The following JMY variants were observed in gnomAD, a reference collection of about 807,000 sequenced individuals.
The protein encoded by JMY is junction-mediating and -regulatory protein.
Under a neutral mutation model 103.3 loss-of-function variants are expected in JMY, and 46 were observed. That is an observed-to-expected ratio of 0.45 (90% CI 0.35 to 0.57). The LOEUF (loss-of-function observed/expected upper bound fraction) is 0.57. Among genes scored for constraint, JMY ranks in the 20% least tolerant of loss-of-function variants. The pLI, the probability that JMY is intolerant of heterozygous loss-of-function variation, is 0.00. For synonymous variants in JMY, 526 were observed against 489.3 expected (o/e 1.07, Z -0.99); for missense variants, 1,238 against 1,255.2 (o/e 0.99, Z 0.21).
At chr5:79,260,259 C>T (rs1293127253) in intron 1 of JMY, among the ~76,000 whole-genome samples, 4 of 152,200 alleles carry the variant, frequency 2.6e-5, no homozygotes, top group East Asian at 1.9e-4. Context: ...GGAGTGGTTC[C>T]TGCCTGGCCC....
Position 79,300,201 on chromosome 5 carries a change from T to C in JMY, c.1576T>C (p.Leu526=). ...GTEAIARLDQ[L]EADYYDLQLQ... is the part of the protein sequence containing the mutation. Reference sequence around the variant, plus strand: ...AGAAGCGATAGCACGATTGGATCAGTTAGAAGCTGATTATTATGATCTGCA... The same window carrying C: ...AGAAGCGATAGCACGATTGGATCAGCTAGAAGCTGATTATTATGATCTGCA... Residue 526 remains leucine, a synonymous_variant, in exon 5 of 11, where the codon TTA becomes CTA. Coordinates refer to ENST00000396137, the MANE Select transcript of JMY (RefSeq NM_152405.5). The C allele has an allele frequency of 1.2e-6, 2 of 1,612,298 alleles. No individual in the cohort carries two copies. The highest frequency in any genetic ancestry group is 1.7e-6 in the Non-Finnish European group (2 of 1,178,998).
In JMY at chr5:79,248,528, C is replaced by G. The variant is rs545704520; in HGVS notation, c.1032+10846C>G. On this transcript the variant is annotated intron_variant, in intron 1 of 10. Transcript: ENST00000396137. The stretch of plus-strand genomic sequence containing the variant: ...TTCACCATGTTGGCCAGGCTGATCT[C>G]AAACTCCTGACCTCAGGTGATCCAC... Among the ~76,000 whole-genome samples the G allele has an allele frequency of 7.4e-4, 113 of 152,028 alleles. 1 individual carries two copies. Among genetic ancestry groups the G allele is most frequent in the Non-Finnish European group, 2.9e-5 (2 of 67,962 alleles).
chr5:79,258,752 A>C (rs1193687185), intron 1 of JMY, among the ~76,000 whole-genome samples: 2 of 152,130 alleles, frequency 1.3e-5, no homozygotes, highest in Non-Finnish European at 2.9e-5. Flanking sequence ...CAGGAACTGC[A>C]GCGCCTTAAA....
At position 79,277,894 on chromosome 5, in the gene JMY, C is replaced by A; in HGVS notation, c.1033-16C>A. On this transcript the variant is annotated splice_polypyrimidine_tract_variant and intron_variant, in intron 1 of 10. Coordinates refer to ENST00000396137, the MANE Select transcript of JMY (RefSeq NM_152405.5). Reference sequence around the variant, plus strand: ...AGAATTGATTTTCTTAGTTGTGAAACTGTCTTGTTCCACAGCTCTTGGATA... The same window carrying A: ...AGAATTGATTTTCTTAGTTGTGAAAATGTCTTGTTCCACAGCTCTTGGATA... 1 of 1,591,406 alleles carries A rather than the reference C, an allele frequency of 6.3e-7. No individual in the cohort carries two copies. The highest frequency in any genetic ancestry group is 8.6e-7 in the Non-Finnish European group (1 of 1,165,266).
chr5:79,236,763 T>C lies in JMY; in HGVS notation c.113T>C (p.Ile38Thr), dbSNP rs1320011875. Residue 38 changes from isoleucine to threonine, a missense_variant, in exon 1 of 11, where the codon ATT becomes ACT. Transcript: ENST00000396137. Reference protein sequence around the residue: ...KFVFIVAWNEIEGKFAITCHN... With the variant: ...KFVFIVAWNETEGKFAITCHN... Reference sequence around the variant, plus strand: ...GTCTTTATTGTGGCCTGGAACGAGATTGAGGGCAAGTTTGCCATAACCTGC... The same window carrying C: ...GTCTTTATTGTGGCCTGGAACGAGACTGAGGGCAAGTTTGCCATAACCTGC... 4.0e-6 allele frequency: 6 copies of C among 1,511,162 alleles called. No individual in the cohort carries two copies. The highest frequency in any genetic ancestry group is 1.4e-5 in the African/African-American group (1 of 69,056). The allele number at this position is 1,511,162 out of a possible 1,614,324, so 93.6% of individuals were successfully genotyped here. A position where few individuals can be genotyped will look rare whatever the true frequency, so the allele number is the denominator to read the frequency against.
At position 79,300,316 on chromosome 5, in the gene JMY, C is replaced by A; in HGVS notation, c.1691C>A (p.Ser564Ter). Residue 564 changes from serine (S) to a stop codon, truncating the protein, a stop_gained and splice_region_variant, in exon 5 of 11, where the codon TCA becomes TAA. Coordinates refer to ENST00000396137, the MANE Select transcript of JMY (RefSeq NM_152405.5). LOFTEE classifies it high-confidence loss of function. ...AQLESIKRLI[S>*]EKRDEVVYYD... The stretch of plus-strand genomic sequence containing the variant: ...CTAGAAAGCATCAAAAGACTTATAT[C>A]AGGTATGGCGTGCATTTAACCACAT... The A allele has an allele frequency of 6.4e-7, 1 of 1,553,964 alleles. No homozygotes were observed. Among genetic ancestry groups the A allele is most frequent in the South Asian group, 1.2e-5 (1 of 81,260 alleles).
chr5:79,308,250 A>C (rs1269485261), intron 7 of JMY, among the ~76,000 whole-genome samples: 1 of 152,158 alleles, frequency 6.6e-6, no homozygotes, highest in Non-Finnish European at 1.5e-5. Context: ...ACTTTCTATC[A>C]TGGTTCATTC....
chr5:79,284,457 C>T (rs1746210433), intron 2 of JMY: 1 of 1,575,744 alleles, frequency 6.3e-7, no homozygotes, highest in African/African-American at 1.3e-5. Context: ...TGGTGCTGGG[C>T]ATAAGAGGTC....
In JMY at chr5:79,237,059, G is replaced by A. The variant is rs913338243; in HGVS notation, c.409G>A (p.Glu137Lys). The A allele has an allele frequency of 2.0e-6, 3 of 1,530,870 alleles. No individual in the cohort carries two copies. The highest frequency in any genetic ancestry group is 1.4e-5 in the African/African-American group (1 of 72,432). 94.8% of individuals were successfully genotyped at this position (1,530,870 alleles called of 1,614,324 possible). A position where few individuals can be genotyped will look rare whatever the true frequency, so the allele number is the denominator to read the frequency against. ...GCGGAGTCCTGGCAGCAAAGGGGCG[G>A]AGAGTCGTCTTAGGAGCCCAGTGCG... ...RLRSPGSKGA[E>K]SRLRSPVRAK... Residue 137 changes from glutamate (E) to lysine (K), a missense_variant, in exon 1 of 11, where the codon GAG becomes AAG. Glu to Lys is a moderately conservative substitution (Grantham distance 56). Transcript: ENST00000396137.
intron 6 of JMY, among the ~76,000 whole-genome samples, chr5:79,304,263 A>G (rs534098106): frequency 6.6e-6 from 1 of 152,192 alleles, no homozygotes; most frequent in Admixed American, 6.5e-5. Flanking sequence ...AATGCAAAAC[A>G]CTAAGTCCTA....
chr5:79,241,266 C>T (rs536267012), intron 1 of JMY, among the ~76,000 whole-genome samples: 43 of 152,172 alleles, frequency 2.8e-4, no homozygotes, highest in African/African-American at 1.0e-3. Context: ...TCTTTGCCAC[C>T]CCTAGTTCAG....
intron 6 of JMY, among the ~76,000 whole-genome samples, chr5:79,301,848 A>G (rs1016535322): frequency 7.9e-5 from 12 of 152,138 alleles, no homozygotes; most frequent in Non-Finnish European, 1.6e-4. Context: ...GCACTTTGGG[A>G]GGCTGAGGTG....
At chr5:79,321,385 C>T (rs1038220623) in intron 10 of JMY, among the ~76,000 whole-genome samples, 2 of 152,050 alleles carry the variant, frequency 1.3e-5, no homozygotes, top group Admixed American at 1.3e-4. Flanking sequence ...AGTTTTCATA[C>T]AGTGTTAGAG....
chr5:79,300,598 A>C, intron 5 of JMY, 78 bp from the exon 6 acceptor site: 1 of 1,155,078 alleles, frequency 8.7e-7, no homozygotes, highest in Non-Finnish European at 1.2e-6. Context: ...CAGAGCCAGT[A>C]ATGAGATTAG....
intron 1 of JMY, among the ~76,000 whole-genome samples, chr5:79,239,714 G>T: frequency 6.6e-6 from 1 of 151,830 alleles, no homozygotes; most frequent in Middle Eastern, 3.2e-3. Context: ...GGAGGCTGAG[G>T]CAGGAGAATG....
At position 79,236,945 on chromosome 5, in the gene JMY, G is replaced by T; in HGVS notation, c.295G>T (p.Val99Phe). The T allele has an allele frequency of 4.8e-6, 7 of 1,448,134 alleles. No individual in the cohort carries two copies. Among genetic ancestry groups the T allele is most frequent in the Non-Finnish European group, 6.3e-6 (7 of 1,103,664 alleles). 89.7% of individuals were successfully genotyped at this position (1,448,134 alleles called of 1,614,324 possible). The change falls in exon 1 of 11, where the codon GTT becomes TTT. Residue 99 changes from valine to phenylalanine, a missense_variant. By Grantham distance (50) the Val-to-Phe change is conservative. Coordinates refer to ENST00000396137, the MANE Select transcript of JMY (RefSeq NM_152405.5). ...RPEATASATL[V>F]RSPGPRRSSA... is the part of the protein sequence containing the mutation. ...CGAGGCCACTGCCTCTGCAACTCTG[G>T]TTAGGAGCCCCGGGCCCCGGCGGAG... is the stretch of plus-strand genomic sequence containing the variant.
At chr5:79,276,641 T>C (rs759787632) in intron 1 of JMY, among the ~76,000 whole-genome samples, 6 of 151,900 alleles carry the variant, frequency 3.9e-5, no homozygotes, top group Non-Finnish European at 8.8e-5. Context: ...CGAGTCTCAC[T>C]CTGTCGCCAG....
intron 1 of JMY, among the ~76,000 whole-genome samples, chr5:79,254,111 T>A (rs1745169214): frequency 1.0e-5 from 1 of 100,112 alleles, no homozygotes; most frequent in South Asian, 3.9e-4. Flanking sequence ...CACGCCCAGC[T>A]ATTTTTTTTT....
chr5:79,292,453 G>A (rs961626595), intron 4 of JMY, among the ~76,000 whole-genome samples: 3 of 151,198 alleles, frequency 2.0e-5, no homozygotes, highest in African/African-American at 4.9e-5. Context: ...TAGCAGGCAC[G>A]CACCCCCCCC....
Sources: gnomAD v4.1 joint callset for allele counts (sites outside exome capture counted in the v4.1 genomes callset) on GRCh38, gnomAD v4.1.1 for gene constraint, MANE v1.5 for transcripts, NCBI Gene and HGNC (gene_info 2026-07-23, HGNC 2026-07-21) for gene names.